The following SCYL1 variants were observed in gnomAD, a reference collection of about 807,000 sequenced individuals.
The protein encoded by SCYL1 is SCY1 like pseudokinase 1, also known as N-terminal kinase-like protein.
SCYL1 carries 85 observed loss-of-function variants against 94.8 expected under a neutral mutation model. The observed-to-expected ratio is 0.90, with a 90% CI of 0.75 to 1.07. The LOEUF is 1.07. Ranked by LOEUF, SCYL1 falls within the 50% of genes least tolerant of loss-of-function variation. The probability of loss-of-function intolerance (pLI) is 0.00; values close to 1 mark genes in which losing one functional copy is unlikely to be tolerated. For synonymous variants in SCYL1, 459 were observed against 435.5 expected (o/e 1.05, Z -0.67); for missense variants, 968 against 1,083.3 (o/e 0.89, Z 1.49).
At chr11:65,535,468 C>A (rs1855587964) in intron 10 of SCYL1, 86 bp downstream of exon 10, 24 of 1,509,294 alleles carry the variant, frequency 1.6e-5, no homozygotes, top group Non-Finnish European at 2.1e-5. Flanking sequence ...TGTGTGGGGG[C>A]CTTCATTCTC....
In SCYL1 at chr11:65,526,015, A is replaced by C. The variant is rs1439462293; in HGVS notation, c.347A>C (p.Glu116Ala). ...RVEAGGLKELEISWGLHQIVK... is the reference protein window; with the variant it reads ...RVEAGGLKELAISWGLHQIVK... Reference sequence around the variant, plus strand: ...GAGGCTGGTGGCCTGAAGGAGCTGGAGATCTCCTGGGGGCTACACCAGATC... The same window carrying C: ...GAGGCTGGTGGCCTGAAGGAGCTGGCGATCTCCTGGGGGCTACACCAGATC... Residue 116 changes from glutamate to alanine, a missense_variant, in exon 3 of 18, where the codon GAG becomes GCG. Transcript: ENST00000270176. The surrounding 1 kb of genome is among the most constrained non-coding windows in gnomAD (Gnocchi z 4.1). 6.2e-7 allele frequency: 1 copy of C among 1,613,082 alleles called. No individual in the cohort carries two copies. Among genetic ancestry groups the C allele is most frequent in the South Asian group, 1.1e-5 (1 of 91,064 alleles).
At chr11:65,530,529 T>TA in intron 6 of SCYL1, 100 bp from the exon 7 acceptor site, 1 of 1,369,682 alleles carries the variant, frequency 7.3e-7, no homozygotes, top group Non-Finnish European at 9.9e-7. Flanking sequence ...CCAGAGCCCA[T>TA]AAGGCCCATA....
chr11:65,532,481 G>A (rs944000710), intron 8 of SCYL1, among the ~76,000 whole-genome samples: 48 of 151,398 alleles, frequency 3.2e-4, no homozygotes, highest in Non-Finnish European at 2.9e-5. Flanking sequence ...CAGATGAGCC[G>A]GACTATGAGC....
In SCYL1 at chr11:65,526,234, C is replaced by T. The variant is rs1159957432; in HGVS notation, c.486C>T (p.Tyr162=). 6.2e-7 allele frequency: 1 copy of T among 1,613,336 alleles called. No homozygotes were observed. Among genetic ancestry groups the T allele is most frequent in the Admixed American group, 1.7e-5 (1 of 60,028 alleles). The stretch of plus-strand genomic sequence containing the variant: ...AGTGGAAGCTTGGGGGCCTGGACTA[C>T]ATGTATTCGGCCCAGGGCAACGGTG... ...AGEWKLGGLD[Y]MYSAQGNGGG... is the part of the protein sequence containing the mutation. The change falls in exon 4 of 18, where the codon TAC becomes TAT. Residue 162 remains tyrosine (Y), a synonymous_variant. Coordinates refer to ENST00000270176, the MANE Select transcript of SCYL1 (RefSeq NM_020680.4). This position sits in a 1 kb window ranked among gnomAD's most constrained non-coding sequence, Gnocchi z 4.1.
chr11:65,537,151 C>T, intron 14 of SCYL1, 23 bp downstream of exon 14: 1 of 1,612,704 alleles, frequency 6.2e-7, no homozygotes, highest in Non-Finnish European at 8.5e-7. Context: ...GAGGGAGCCT[C>T]CCCAGGGGAC....
intron 15 of SCYL1, 21 bp from the exon 16 acceptor site, chr11:65,537,946 C>G (rs770309960): frequency 6.3e-7 from 1 of 1,597,968 alleles, no homozygotes; most frequent in Non-Finnish European, 8.5e-7. Flanking sequence ...AGGGCTACTT[C>G]CCCCTCCCGC....
At position 65,526,184 on chromosome 11, in the gene SCYL1, G is replaced by A. The variant is rs762951225; in HGVS notation, c.436G>A (p.Ala146Thr). ...SLIHNNVCMA[A>T]VFVDRAGEWK... ...CATCCACAACAATGTCTGCATGGCCGCCGTGTTCGTGGACCGAGCTGGCGA... is the reference window on the plus strand; with the variant it reads ...CATCCACAACAATGTCTGCATGGCCACCGTGTTCGTGGACCGAGCTGGCGA... The change falls in exon 4 of 18, where the codon GCC becomes ACC. Residue 146 changes from alanine to threonine, a missense_variant. This residue lies in a region of SCYL1 where 494 missense variants were observed against 619.7 expected (regional missense o/e 0.80). Coordinates refer to ENST00000270176, the MANE Select transcript of SCYL1 (RefSeq NM_020680.4). The surrounding 1 kb of genome is among the most constrained non-coding windows in gnomAD (Gnocchi z 4.1). 27 of 1,613,314 alleles carry A rather than the reference G, an allele frequency of 1.7e-5. No individual in the cohort carries two copies. Among genetic ancestry groups the A allele is most frequent in the East Asian group, 2.2e-5 (1 of 44,888 alleles).
chr11:65,538,385 G>C, intron 17 of SCYL1, 57 bp from the exon 18 acceptor site: 2 of 1,539,176 alleles, frequency 1.3e-6, no homozygotes, highest in East Asian at 4.9e-5. Flanking sequence ...GCCCCTACAG[G>C]CCCCCGGCAG....
Position 65,526,550 on chromosome 11 carries a change from G to T in SCYL1, c.602+200G>T, listed in dbSNP as rs780454393. On this transcript the variant is annotated intron_variant, in intron 4 of 17. Transcript: ENST00000270176. This position sits in a 1 kb window ranked among gnomAD's most constrained non-coding sequence, Gnocchi z 4.1. The stretch of plus-strand genomic sequence containing the variant: ...CGGGATGGACACAGCATTCGGGGTT[G>T]GGTGATTCTGAACTTGAAAGCTCTG... Among the ~76,000 whole-genome samples, 1 of 152,210 alleles carries T rather than the reference G, an allele frequency of 6.6e-6. No individual in the cohort carries two copies. The highest frequency in any genetic ancestry group is 1.5e-5 in the Non-Finnish European group (1 of 68,012).
At position 65,525,195 on chromosome 11, in the gene SCYL1, C is replaced by A. The variant is rs1242532999; in HGVS notation, c.42C>A (p.Phe14Leu). 6.9e-7 allele frequency: 1 copy of A among 1,454,168 alleles called. No individual in the cohort carries two copies. The allele number at this position is 1,454,168 out of a possible 1,614,324, so 90.1% of individuals were successfully genotyped here. A position where few individuals can be genotyped will look rare whatever the true frequency, so the allele number is the denominator to read the frequency against. Residue 14 changes from phenylalanine (F) to leucine (L), a missense_variant, in exon 1 of 18, where the codon TTC becomes TTA. Physicochemically the swap from Phe to Leu is conservative, Grantham distance 22 (BLOSUM62 0). Transcript: ENST00000270176. Reference sequence around the variant, plus strand: ...GGGACCCGGTCCGGGACTTTCCGTTCGAGCTCATCCCGGAGCCCCCAGAGG... The same window carrying A: ...GGGACCCGGTCCGGGACTTTCCGTTAGAGCTCATCCCGGAGCCCCCAGAGG... ...FARDPVRDFP[F>L]ELIPEPPEGG...
intron 1 of SCYL1, 52 bp downstream of exon 1, chr11:65,525,316 C>G (rs930268528): frequency 7.7e-7 from 1 of 1,296,964 alleles, no homozygotes; most frequent in Non-Finnish European, 1.0e-6. Flanking sequence ...CTTGCCTATT[C>G]CGCGCCGCCG....
chr11:65,531,793 A>G, intron 8 of SCYL1, 110 bp downstream of exon 8: 2 of 761,486 alleles, frequency 2.6e-6, no homozygotes, highest in South Asian at 2.9e-5. Context: ...ACCCCTGAAC[A>G]TACACACAAC....
chr11:65,532,689 C>A lies in SCYL1; in HGVS notation c.1117-3C>A, dbSNP rs1241398307. On this transcript the variant is annotated splice_region_variant and splice_polypyrimidine_tract_variant and intron_variant, in intron 8 of 17. Transcript: ENST00000270176. ...TGTTGACGCATCCCAACCTGGGCCACAGATGGAGCAGTTCATCCAGTACCT... is the reference window on the plus strand; with the variant it reads ...TGTTGACGCATCCCAACCTGGGCCAAAGATGGAGCAGTTCATCCAGTACCT... 7 of 1,612,372 alleles carry A rather than the reference C, an allele frequency of 4.3e-6. No homozygotes were observed. Among genetic ancestry groups the A allele is most frequent in the Non-Finnish European group, 5.9e-6 (7 of 1,178,626 alleles).
In SCYL1 at chr11:65,526,066, T is replaced by C. The variant is rs754370773; in HGVS notation, c.375+23T>C. On this transcript the variant is annotated intron_variant, in intron 3 of 17. Coordinates refer to ENST00000270176, the MANE Select transcript of SCYL1 (RefSeq NM_020680.4). This position sits in a 1 kb window ranked among gnomAD's most constrained non-coding sequence, Gnocchi z 4.1. ...GTGGTGAGGTGGGGGGCAGTGGTGA[T>C]GAGAGCAGGGATGGGGGGTTGCAGG... 1.2e-6 allele frequency: 2 copies of C among 1,610,348 alleles called. No homozygotes were observed. The highest frequency in any genetic ancestry group is 1.3e-5 in the African/African-American group (1 of 74,804).
At chr11:65,532,287 C>T (rs193212402) in intron 8 of SCYL1, among the ~76,000 whole-genome samples, 50 of 152,036 alleles carry the variant, frequency 3.3e-4, no homozygotes, top group African/African-American at 8.2e-4. Context: ...TAGCCAGGTG[C>T]GGTGGTGGGT....
chr11:65,536,994 G>GGC lies in SCYL1; in HGVS notation c.1825_1826insGC (p.Ala609GlyfsTer65). ...GAGCCTCTGCTCCCCAGGAGTTCCT[G>GGC]CCCCAGCCCCCACCCCTGTTCCTGC... On this transcript the variant is annotated frameshift_variant, in exon 14 of 18. Transcript: ENST00000270176. LOFTEE classifies it high-confidence loss of function. 6.2e-7 allele frequency: 1 copy of GGC among 1,610,640 alleles called. No individual in the cohort carries two copies. Among genetic ancestry groups the GGC allele is most frequent in the Non-Finnish European group, 8.5e-7 (1 of 1,177,740 alleles).
In SCYL1 at chr11:65,525,650, C is replaced by T; in HGVS notation, c.188C>T (p.Ala63Val). 6.2e-7 allele frequency: 1 copy of T among 1,612,818 alleles called. No homozygotes were observed. The highest frequency in any genetic ancestry group is 8.5e-7 in the Non-Finnish European group (1 of 1,179,944). Residue 63 changes from alanine (A) to valine (V), a missense_variant, in exon 2 of 18, where the codon GCT becomes GTT. Ala to Val is a moderately conservative substitution (Grantham distance 64, BLOSUM62 0). This residue lies in a region of SCYL1 where 494 missense variants were observed against 619.7 expected (regional missense o/e 0.80). Coordinates refer to ENST00000270176, the MANE Select transcript of SCYL1 (RefSeq NM_020680.4). ...GAEEQTQVAK[A>V]AFKRFKTLRH... The stretch of plus-strand genomic sequence containing the variant: ...GAAGAGCAGACCCAGGTGGCCAAAG[C>T]TGCCTTCAAGCGCTTCAAAACTCTA...
rs1242395683 is a variant in SCYL1, at chr11:65,526,273, C to G, written c.525C>G (p.Arg175=). 1 of 1,612,840 alleles carries G rather than the reference C, an allele frequency of 6.2e-7. No individual in the cohort carries two copies. Among genetic ancestry groups the G allele is most frequent in the Admixed American group, 1.7e-5 (1 of 60,016 alleles). Residue 175 remains arginine (R), a synonymous_variant, in exon 4 of 18, where the codon CGC becomes CGG. Transcript: ENST00000270176. The surrounding 1 kb of genome is among the most constrained non-coding windows in gnomAD (Gnocchi z 4.1). ...AGGGCAACGGTGGGGGACCTCCCCG[C>G]AAGGGGATCCCCGAGCTTGAGCAGT... ...SAQGNGGGPP[R]KGIPELEQYD... is the part of the protein sequence containing the mutation.
chr11:65,530,719 C>G lies in SCYL1; in HGVS notation c.940C>G (p.Leu314Val). 6.2e-7 allele frequency: 1 copy of G among 1,614,078 alleles called. No homozygotes were observed. Among genetic ancestry groups the G allele is most frequent in the Non-Finnish European group, 8.5e-7 (1 of 1,180,022 alleles). ...FPEDFCRHKV[L>V]PQLLTAFEFG... ...TGAGGATTTCTGTCGGCACAAGGTG[C>G]TGCCCCAGCTGCTGACCGCCTTCGA... The change falls in exon 7 of 18, where the codon CTG (leucine) becomes GTG (valine). Residue 314 changes from leucine to valine, a missense_variant. Leu to Val is a conservative substitution (Grantham distance 32). This residue lies in a region of SCYL1 where 494 missense variants were observed against 619.7 expected (regional missense o/e 0.80). Transcript: ENST00000270176.
Sources: allele counts gnomAD v4.1 joint callset (sites outside exome capture counted in the v4.1 genomes callset), GRCh38; gene constraint gnomAD v4.1.1; regional missense constraint gnomAD v4.1.1; non-coding constraint Gnocchi (gnomAD v3.1); transcripts MANE v1.5; gene names NCBI Gene and HGNC (gene_info 2026-07-23, HGNC 2026-07-21).